The following PLLP variants were observed in gnomAD, a reference collection of about 807,000 sequenced individuals.
PLLP encodes the protein plasma membrane proteolipid (plasmolipin).
PLLP carries 15 observed loss-of-function variants against 19.7 expected under a neutral mutation model. The ratio of observed to expected loss-of-function variants is 0.76; its 90% CI spans 0.51 to 1.17. The LOEUF is 1.17. Among genes scored for constraint, PLLP ranks in the 50% most tolerant of loss-of-function variants. The pLI is 0.00. For synonymous variants in PLLP, 111 were observed against 116.3 expected (o/e 0.95, Z 0.29); for missense variants, 255 against 258.3 (o/e 0.99, Z 0.09).
intron 1 of PLLP, among the ~76,000 whole-genome samples, chr16:57,264,723 C>T (rs1367899803): frequency 6.6e-6 from 1 of 152,144 alleles, no homozygotes; most frequent in Non-Finnish European, 1.5e-5. Flanking sequence ...TGATGGTGCA[C>T]CTGTGGTCCC....
rs1364184526 is a variant in PLLP at position 57,284,425 on chromosome 16, G to C, written c.116C>G (p.Ala39Gly). The C allele has an allele frequency of 6.3e-6, 9 of 1,423,270 alleles. No homozygotes were observed. The highest frequency in any genetic ancestry group is 7.4e-6 in the Non-Finnish European group (8 of 1,087,202). The allele number at this position is 1,423,270 out of a possible 1,614,324, so 88.2% of individuals were successfully genotyped here. A position where few individuals can be genotyped will look rare whatever the true frequency, so the allele number is the denominator to read the frequency against. Reference protein sequence around the residue: ...DLGFVRSRLGALMLLQLVLGL... With the variant: ...DLGFVRSRLGGLMLLQLVLGL... ...TCTCACCAGCTGCAGCAGCATGAGC[G>C]CCCCGAGGCGGGAGCGCACGAAGCC... is the stretch of plus-strand genomic sequence containing the variant. The change falls in exon 1 of 4, where the codon GCG becomes GGG. Residue 39 changes from alanine (A) to glycine (G), a missense_variant. By Grantham distance (60) the Ala-to-Gly change is moderately conservative. Coordinates refer to ENST00000219207, the MANE Select transcript of PLLP (RefSeq NM_015993.3).
At chr16:57,283,056 C>A (rs1901238463) in intron 1 of PLLP, among the ~76,000 whole-genome samples, 1 of 152,246 alleles carries the variant, frequency 6.6e-6, no homozygotes, top group South Asian at 2.1e-4. Context: ...ATTCCAGGAA[C>A]TAGACCTCTT....
intron 1 of PLLP, among the ~76,000 whole-genome samples, chr16:57,278,204 G>A (rs1441310081): frequency 2.0e-5 from 3 of 152,160 alleles, no homozygotes; most frequent in African/African-American, 4.8e-5. Context: ...GTTGGGTGTA[G>A]TGGCAGGCAC....
At chr16:57,267,505 T>G (rs1029512797) in intron 1 of PLLP, among the ~76,000 whole-genome samples, 1 of 151,756 alleles carries the variant, frequency 6.6e-6, no homozygotes, top group Non-Finnish European at 1.5e-5. Context: ...GAGGCAGAGG[T>G]TGCAGTGAAC....
At chr16:57,263,246 C>G (rs1249095625) in intron 1 of PLLP, 1 of 152,246 alleles carries the variant, frequency 6.6e-6, no homozygotes, top group South Asian at 2.1e-4. Context: ...GAAACTGGGC[C>G]TCCAGGAAGC....
intron 1 of PLLP, 38 bp from the exon 2 acceptor site, chr16:57,262,108 C>A: frequency 6.2e-7 from 1 of 1,600,506 alleles, no homozygotes; most frequent in South Asian, 1.1e-5. Flanking sequence ...GCCAGAGATG[C>A]GGTTTCATTT....
chr16:57,266,863 C>CTTTTTTTTT (rs34562097), intron 1 of PLLP, among the ~76,000 whole-genome samples: 9 of 97,332 alleles, frequency 9.2e-5, no homozygotes, highest in Non-Finnish European at 1.3e-4. Context: ...GGCACAGGGC[C>CTTTTTTTTT]TTTTTTTTTT....
At chr16:57,257,068 T>A in intron 3 of PLLP, 39 bp from the exon 4 acceptor site, 1 of 1,413,182 alleles carries the variant, frequency 7.1e-7, no homozygotes, top group Non-Finnish European at 1.0e-6. Context: ...ACCGAGAGGG[T>A]GACAGTGACA....
At chr16:57,264,240 C>A (rs2075450333) in intron 1 of PLLP, among the ~76,000 whole-genome samples, 2 of 152,214 alleles carry the variant, frequency 1.3e-5, no homozygotes, top group Non-Finnish European at 2.9e-5. Flanking sequence ...CCCTCACAAC[C>A]CTCCTTCCTC....
chr16:57,278,217 G>A (rs1197971473), intron 1 of PLLP, among the ~76,000 whole-genome samples: 2 of 152,160 alleles, frequency 1.3e-5, no homozygotes. Context: ...GCAGGCACCT[G>A]TAGTCCCAGC....
chr16:57,277,736 C>A (rs570001696), intron 1 of PLLP, among the ~76,000 whole-genome samples: 2 of 152,254 alleles, frequency 1.3e-5, no homozygotes, highest in East Asian at 3.9e-4. Context: ...CCAGACAGCA[C>A]CTATCTGTGG....
At chr16:57,272,043 G>A (rs112991426) in intron 1 of PLLP, among the ~76,000 whole-genome samples, 4 of 152,152 alleles carry the variant, frequency 2.6e-5, no homozygotes, top group Non-Finnish European at 2.9e-5. Context: ...CCCAGGTGGA[G>A]CCCTGCATTC....
intron 2 of PLLP, among the ~76,000 whole-genome samples, 195 bp from the exon 3 acceptor site, chr16:57,258,779 G>C: frequency 6.6e-6 from 1 of 151,834 alleles, no homozygotes; most frequent in Non-Finnish European, 1.5e-5. Flanking sequence ...AAGTTAGCCA[G>C]GCATGGTGGC....
intron 1 of PLLP, among the ~76,000 whole-genome samples, chr16:57,270,255 G>A (rs4784787): frequency 0.12 from 4,507 of 38,036 alleles, 250 homozygotes; most frequent in South Asian, 0.4. Flanking sequence ...CCCAGCCCCC[G>A]AGTCCATCCC....
chr16:57,284,393 C>A lies in PLLP; in HGVS notation c.135+13G>T. On this transcript the variant is annotated intron_variant, in intron 1 of 3. Coordinates refer to ENST00000219207, the MANE Select transcript of PLLP (RefSeq NM_015993.3). ...GCCCCCGGCCAACCCCGTGGGCCCG[C>A]GCGTGCTCTCACCAGCTGCAGCAGC... 7.2e-7 allele frequency: 1 copy of A among 1,390,230 alleles called. No homozygotes were observed. The allele number at this position is 1,390,230 out of a possible 1,614,324, so 86.1% of individuals were successfully genotyped here. A position where few individuals can be genotyped will look rare whatever the true frequency, so the allele number is the denominator to read the frequency against.
chr16:57,283,241 C>A (rs922962838), intron 1 of PLLP, among the ~76,000 whole-genome samples: 1 of 152,022 alleles, frequency 6.6e-6, no homozygotes, highest in East Asian at 1.9e-4. Context: ...TTAAACAAAC[C>A]CGCCAGGAGA....
chr16:57,265,607 C>T (rs1323297211), intron 1 of PLLP, among the ~76,000 whole-genome samples: 6 of 152,352 alleles, frequency 3.9e-5, no homozygotes, highest in East Asian at 3.9e-4. Context: ...AATGCCTTCT[C>T]GCTCTGTGCC....
At chr16:57,267,100 A>T (rs1325123629) in intron 1 of PLLP, among the ~76,000 whole-genome samples, 1 of 152,172 alleles carries the variant, frequency 6.6e-6, no homozygotes, top group Non-Finnish European at 1.5e-5. Context: ...CTGTTATTAC[A>T]GTTTCCCCAG....
intron 1 of PLLP, among the ~76,000 whole-genome samples, chr16:57,270,323 C>T (rs1227231354): frequency 1.4e-5 from 2 of 140,924 alleles, no homozygotes; most frequent in Middle Eastern, 3.7e-3. Context: ...AGTCCATCCA[C>T]AGCCCCCAAG....
Sources: allele counts gnomAD v4.1 joint callset (sites outside exome capture counted in the v4.1 genomes callset), GRCh38; gene constraint gnomAD v4.1.1; transcripts MANE v1.5; gene names NCBI Gene and HGNC (gene_info 2026-07-23, HGNC 2026-07-21).